DNAI7: variants seen among roughly 807,000 people sequenced by gnomAD.
The protein encoded by DNAI7 is cancer susceptibility 1.
DNAI7 carries 78 observed loss-of-function variants against 86.6 expected under a neutral mutation model. That is an observed-to-expected ratio of 0.90 (90% confidence interval 0.75 to 1.09). DNAI7 has a LOEUF of 1.09. DNAI7 is among the 50% of genes least tolerant of loss of function. DNAI7 has a pLI of 0.00. For missense variants in DNAI7, 753 were observed against 810.2 expected, an observed-to-expected ratio of 0.93 and a Z score of 0.86; for synonymous variants, 274 against 273.0, an observed-to-expected ratio of 1.00 and a Z score of -0.04.
intron 2 of DNAI7, among the ~76,000 whole-genome samples, chr12:25,182,295 C>G (rs1337783501): frequency 7.0e-6 from 1 of 143,690 alleles, no homozygotes; most frequent in Middle Eastern, 3.9e-3. Flanking sequence ...TGCAGTGAGC[C>G]GAGATCGCAC....
At chr12:25,113,346 G>A (rs1468334986) in intron 13 of DNAI7, among the ~76,000 whole-genome samples, 1 of 152,010 alleles carries the variant, frequency 6.6e-6, no homozygotes, top group Non-Finnish European at 1.5e-5. Flanking sequence ...CTGTCGCCCA[G>A]GCTGGAGTGC....
intron 2 of DNAI7, among the ~76,000 whole-genome samples, chr12:25,165,972 G>A (rs1324473217): frequency 6.6e-6 from 1 of 151,976 alleles, no homozygotes; most frequent in Admixed American, 6.6e-5. Context: ...ACACCTCAAT[G>A]CCGCCTTTTC....
chr12:25,192,213 G>C (rs777870188), intron 1 of DNAI7, among the ~76,000 whole-genome samples: 6 of 152,048 alleles, frequency 3.9e-5, no homozygotes, highest in Non-Finnish European at 7.4e-5. Context: ...TACTTCCATC[G>C]TGAAATAAGT....
At chr12:25,173,963 T>A (rs1479011349) in intron 2 of DNAI7, among the ~76,000 whole-genome samples, 1 of 149,024 alleles carries the variant, frequency 6.7e-6, no homozygotes, top group Non-Finnish European at 1.5e-5. Flanking sequence ...ATATATCATA[T>A]ATATGGAATA....
At chr12:25,122,657 C>T (rs1941498000) in intron 10 of DNAI7, among the ~76,000 whole-genome samples, 1 of 152,130 alleles carries the variant, frequency 6.6e-6, no homozygotes, top group Non-Finnish European at 1.5e-5. Context: ...CTTGACACTT[C>T]TAAACTATAT....
intron 5 of DNAI7, among the ~76,000 whole-genome samples, chr12:25,155,044 C>T (rs1945985785): frequency 6.6e-6 from 1 of 152,148 alleles, no homozygotes; most frequent in South Asian, 2.1e-4. Flanking sequence ...AAAGCTTTTA[C>T]GTTTTAATTT....
intron 6 of DNAI7, among the ~76,000 whole-genome samples, chr12:25,150,503 C>T (rs1484593165): frequency 6.8e-6 from 1 of 146,160 alleles, no homozygotes; most frequent in South Asian, 2.1e-4. Context: ...ACTCGGGAGG[C>T]TGAGTCAGGA....
chr12:25,155,399 C>A lies in DNAI7; in HGVS notation c.212G>T (p.Arg71Ile), dbSNP rs1946041974. Residue 71 changes from arginine (R) to isoleucine (I), a missense_variant, in exon 5 of 16, where the codon AGA becomes ATA. Physicochemically the swap from Arg to Ile is moderately conservative, Grantham distance 97. Transcript: ENST00000395987. ...HRLEAKDLER[R>I]NEELEELYLL... is the part of the protein sequence containing the mutation. ...ATAAAGTTCTTCAAGTTCTTCATTT[C>A]TCCTTTCTAGATCCTGTTGCACAAG... is the stretch of plus-strand genomic sequence containing the variant. 1.3e-6 allele frequency: 2 copies of A among 1,590,708 alleles called. No individual in the cohort carries two copies. The highest frequency in any genetic ancestry group is 2.7e-5 in the African/African-American group (2 of 74,316).
chr12:25,175,400 G>A (rs138940590), intron 2 of DNAI7, among the ~76,000 whole-genome samples: 1,755 of 152,060 alleles, frequency 0.012, 16 homozygotes, highest in Non-Finnish European at 0.018. Context: ...ACGGACTCTC[G>A]CTCTGTCATG....
intron 2 of DNAI7, among the ~76,000 whole-genome samples, chr12:25,171,477 T>G (rs977710725): frequency 5.3e-5 from 8 of 152,034 alleles, no homozygotes; most frequent in Non-Finnish European, 7.4e-5. Flanking sequence ...GAAATGGTAA[T>G]TTAAAAATTA....
intron 9 of DNAI7, among the ~76,000 whole-genome samples, chr12:25,142,302 T>G (rs1295434268): frequency 6.6e-6 from 1 of 150,986 alleles, no homozygotes; most frequent in East Asian, 1.9e-4. Flanking sequence ...GCTATGAGGA[T>G]GCAAATGCAT....
chr12:25,107,874 T>C, downstream of DNAI7: 1 of 1,614,200 alleles, frequency 6.2e-7, no homozygotes, highest in South Asian at 1.1e-5. Context: ...GAAAGGCTAA[T>C]AAGGCCCTCT....
intron 2 of DNAI7, among the ~76,000 whole-genome samples, chr12:25,183,980 A>G (rs904769891): frequency 1.1e-4 from 16 of 152,148 alleles, no homozygotes; most frequent in Non-Finnish European, 2.4e-4. Flanking sequence ...GCTACTACAG[A>G]AAGTCAACAA....
In DNAI7 at chr12:25,182,681, C is replaced by T. The variant is rs114259832; in HGVS notation, c.21+7933G>A. ...CTCATGCCTGTAATCTCAGTGCTTT[C>T]GGAGGCCCTGGTAAGAGGATCACCT... On this transcript the variant is annotated intron_variant, in intron 2 of 15. Transcript: ENST00000395987. 4.2e-3 allele frequency among the ~76,000 whole-genome samples: 639 copies of T among 150,786 alleles called. 5 individuals carry two copies. The highest frequency in any genetic ancestry group is 0.015 in the African/African-American group (605 of 40,986).
intron 3 of DNAI7, 155 bp downstream of exon 3, chr12:25,160,958 C>T: frequency 1.8e-6 from 1 of 553,976 alleles, no homozygotes; most frequent in Non-Finnish European, 3.2e-6. Context: ...GTACTAACAT[C>T]TTTCTGGATA....
intron 1 of DNAI7, among the ~76,000 whole-genome samples, chr12:25,191,074 C>T (rs924094163): frequency 8.6e-5 from 13 of 152,008 alleles, no homozygotes; most frequent in Admixed American, 6.6e-4. Context: ...ATAACCTTTC[C>T]GTAAAGTTAG....
chr12:25,161,160 C>T lies in DNAI7; in HGVS notation c.59G>A (p.Arg20Gln), dbSNP rs143518266. ...SKKKKVTKAE[R>Q]LKLLQEEEER... is the part of the protein sequence containing the mutation. ...CTCCTCCTCTTGTAGCAGCTTCAAT[C>T]GTTCAGCTTTGGTGACTTTCTTTTT... The change falls in exon 3 of 16, where the codon CGA becomes CAA. Residue 20 changes from arginine (R) to glutamine (Q), a missense_variant. Coordinates refer to ENST00000395987, the MANE Select transcript of DNAI7 (RefSeq NM_018272.5). The T allele has an allele frequency of 9.9e-6, 16 of 1,613,934 alleles. No individual in the cohort carries two copies. The highest frequency in any genetic ancestry group is 3.3e-5 in the Admixed American group (2 of 60,016).
chr12:25,147,122 A>G lies in DNAI7; in HGVS notation c.586-18T>C. On this transcript the variant is annotated intron_variant, in intron 7 of 15. Coordinates refer to ENST00000395987, the MANE Select transcript of DNAI7 (RefSeq NM_018272.5). The stretch of plus-strand genomic sequence containing the variant: ...CTAGCTTGCTGTAAGAGAAAAAGAA[A>G]ACATTATAAAGGGCCACAGGCCTCA... 7.5e-7 allele frequency: 1 copy of G among 1,333,706 alleles called. No homozygotes were observed. Among genetic ancestry groups the G allele is most frequent in the Non-Finnish European group, 1.1e-6 (1 of 929,028 alleles). 82.6% of individuals were successfully genotyped at this position (1,333,706 alleles called of 1,614,324 possible).
intron 11 of DNAI7, among the ~76,000 whole-genome samples, chr12:25,120,566 CAAA>C (rs71065906): frequency 1.2e-4 from 17 of 147,772 alleles, no homozygotes; most frequent in African/African-American, 3.9e-4. Flanking sequence ...ACTAAAAATA[CAAA>C]AAAAAAATTA....
Sources: allele counts gnomAD v4.1 joint callset (sites outside exome capture counted in the v4.1 genomes callset), GRCh38; gene constraint gnomAD v4.1.1; transcripts MANE v1.5; gene names NCBI Gene and HGNC (gene_info 2026-07-23, HGNC 2026-07-21).